FAM124B: variants seen among roughly 807,000 people sequenced by gnomAD.
FAM124B encodes the protein protein FAM124B.
Under a neutral mutation model 19.7 loss-of-function variants are expected in FAM124B, and 18 were observed. The observed-to-expected ratio is 0.92, with a 90% CI of 0.63 to 1.36. The LOEUF (loss-of-function observed/expected upper bound fraction) is 1.36. Ranked by LOEUF, FAM124B falls within the 40% of genes most tolerant of loss-of-function variation. The pLI, the probability that FAM124B is intolerant of heterozygous loss-of-function variation, is 0.00. For synonymous variants in FAM124B, 223 were observed against 225.2 expected (o/e 0.99, Z 0.09); for missense variants, 540 against 553.3 (o/e 0.98, Z 0.24).
Position 224,379,981 on chromosome 2 carries a change from T to A in FAM124B, c.960A>T (p.Ser320=), listed in dbSNP as rs748354682. The A allele has an allele frequency of 2.8e-5, 43 of 1,551,632 alleles. No homozygotes were observed. In the African/African-American group the frequency reaches 4.7e-4, roughly 17 times the overall value. ...CCATAGCTGGGCTGCTGACCTGGAA[T>A]GACCGGCCAGGGCTTTTCCACGAAG... ...AGTSWKSPGR[S]FQVSSPAMGA... Residue 320 remains serine (S), a synonymous_variant, in exon 2 of 2, where the codon TCA becomes TCT. Transcript: ENST00000409685.
At chr2:224,392,343 C>T (rs10210782) in intron 1 of FAM124B, among the ~76,000 whole-genome samples, 213 of 152,152 alleles carry the variant, frequency 1.4e-3, no homozygotes, top group African/African-American at 4.9e-3. Flanking sequence ...ACTCAGGAGG[C>T]TGAAATGAGA....
chr2:224,395,604 C>T (rs1171795730), intron 1 of FAM124B, among the ~76,000 whole-genome samples: 1 of 152,152 alleles, frequency 6.6e-6, no homozygotes, highest in Admixed American at 6.5e-5. Flanking sequence ...ATTAAAACTG[C>T]CAAAGGAAAA....
At chr2:224,399,749 T>C (rs1201969037) in intron 1 of FAM124B, 2 of 152,234 alleles carry the variant, frequency 1.3e-5, no homozygotes, top group Non-Finnish European at 2.9e-5. Context: ...TAGGTTGTTA[T>C]AAGTATTAAA....
chr2:224,383,749 C>A (rs1011617621), intron 1 of FAM124B, among the ~76,000 whole-genome samples: 3 of 152,156 alleles, frequency 2.0e-5, no homozygotes, highest in Admixed American at 2.0e-4. Flanking sequence ...AGAACAAACT[C>A]CCTTAGTCCT....
Position 224,379,814 on chromosome 2 carries a change from T to G in FAM124B, c.1127A>C (p.Gln376Pro). 1 of 1,551,918 alleles carries G rather than the reference T, an allele frequency of 6.4e-7. No individual in the cohort carries two copies. The highest frequency in any genetic ancestry group is 1.4e-5 in the African/African-American group (1 of 73,176). ...GLTIINSEPRQTYFGGFPRDL... is the reference protein window; with the variant it reads ...GLTIINSEPRPTYFGGFPRDL... ...CCTTGGAAATCCGCCAAAATAAGTC[T>G]GCCTGGGTTCAGAATTTATGATGGT... The change falls in exon 2 of 2, where the codon CAG becomes CCG. Residue 376 changes from glutamine to proline, a missense_variant. Physicochemically the swap from Gln to Pro is moderately conservative, Grantham distance 76. Transcript: ENST00000409685.
chr2:224,395,321 G>C (rs1476291541), intron 1 of FAM124B, among the ~76,000 whole-genome samples: 9 of 152,202 alleles, frequency 5.9e-5, no homozygotes, highest in Admixed American at 4.6e-4. Flanking sequence ...GCTGTGGAAA[G>C]CTGAAAGCCA....
intron 1 of FAM124B, chr2:224,400,372 G>A (rs942118063): frequency 3.7e-5 from 24 of 649,700 alleles, no homozygotes; most frequent in East Asian, 1.9e-4. Context: ...CAGACATGGC[G>A]GCACGTGCCT....
intron 1 of FAM124B, among the ~76,000 whole-genome samples, chr2:224,399,256 T>C (rs1690024211): frequency 6.6e-6 from 1 of 152,156 alleles, no homozygotes; most frequent in Admixed American, 6.5e-5. Context: ...TGTTTGACCA[T>C]GAGGTTGATT....
Position 224,401,104 on chromosome 2 carries a change from G to A in FAM124B, c.665C>T (p.Pro222Leu). Reference sequence around the variant, plus strand: ...CCTGGTGCTGCTGATAGGCATGCATGGATTGGGTAGCAGAGGCACTAACTG... The same window carrying A: ...CCTGGTGCTGCTGATAGGCATGCATAGATTGGGTAGCAGAGGCACTAACTG... The part of the protein sequence containing the change: ...IGQLVPLLPN[P>L]CMPISSTRWQ... The change falls in exon 1 of 2, where the codon CCA becomes CTA. Residue 222 changes from proline to leucine, a missense_variant. Coordinates refer to ENST00000409685, the MANE Select transcript of FAM124B (RefSeq NM_001122779.2). The A allele has an allele frequency of 6.2e-7, 1 of 1,614,126 alleles. No individual in the cohort carries two copies.
intron 1 of FAM124B, among the ~76,000 whole-genome samples, chr2:224,389,857 G>A (rs1303424603): frequency 6.6e-6 from 1 of 152,056 alleles, no homozygotes; most frequent in Non-Finnish European, 1.5e-5. Flanking sequence ...CAGGGCAGTG[G>A]TCCTCATTTG....
In FAM124B at chr2:224,402,069, T is replaced by TC. The variant is rs1190047954; in HGVS notation, c.-302dup. ...GCTTGTGTTTAGCCTTTTCAGGCGT[T>TC]CCCCAGGGTTTCTGCGTGACCTAAA... On this transcript the variant is annotated 5_prime_UTR_variant, in exon 1 of 2. Coordinates refer to ENST00000409685, the MANE Select transcript of FAM124B (RefSeq NM_001122779.2). 1.8e-5 allele frequency: 6 copies of TC among 329,242 alleles called. No individual in the cohort carries two copies. The highest frequency in any genetic ancestry group is 1.0e-4 in the African/African-American group (5 of 48,812). 20.4% of individuals were successfully genotyped at this position (329,242 alleles called of 1,614,324 possible).
chr2:224,382,269 T>C (rs891582903), intron 1 of FAM124B, among the ~76,000 whole-genome samples: 2 of 152,228 alleles, frequency 1.3e-5, no homozygotes, highest in Non-Finnish European at 2.9e-5. Context: ...TAAAACTCTA[T>C]GTATGAACAC....
chr2:224,401,408 T>C lies in FAM124B; in HGVS notation c.361A>G (p.Ser121Gly). ...FANQEFYSLD[S>G]QLPIWGVRQV... is the part of the protein sequence containing the mutation. ...CTCACCCCCCAGATGGGCAGCTGAC[T>C]GTCCAGGCTGTAGAACTCCTGATTG... The change falls in exon 1 of 2, where the codon AGT becomes GGT. Residue 121 changes from serine to glycine, a missense_variant. Ser to Gly is a moderately conservative substitution (Grantham distance 56). Transcript: ENST00000409685. 1 of 1,614,088 alleles carries C rather than the reference T, an allele frequency of 6.2e-7. No individual in the cohort carries two copies. The highest frequency in any genetic ancestry group is 8.5e-7 in the Non-Finnish European group (1 of 1,180,008).
At chr2:224,387,922 CAT>C (rs1309910873) in intron 1 of FAM124B, among the ~76,000 whole-genome samples, 1 of 152,200 alleles carries the variant, frequency 6.6e-6, no homozygotes, top group African/African-American at 2.4e-5. Context: ...AAGAAACAAA[CAT>C]AGCTAAATAT....
intron 1 of FAM124B, among the ~76,000 whole-genome samples, chr2:224,391,794 C>T (rs535296819): frequency 1.3e-5 from 2 of 152,180 alleles, no homozygotes. Flanking sequence ...CCTCAATTTC[C>T]TATCTTTAAA....
chr2:224,397,136 C>A (rs1010438648), intron 1 of FAM124B, among the ~76,000 whole-genome samples: 4 of 152,130 alleles, frequency 2.6e-5, no homozygotes, highest in African/African-American at 9.7e-5. Flanking sequence ...TGCCACAATT[C>A]CCATGTGTCG....
chr2:224,401,987 T>A lies in FAM124B; in HGVS notation c.-219A>T. The A allele has an allele frequency of 1.8e-6, 1 of 547,238 alleles. No homozygotes were observed. Among genetic ancestry groups the A allele is most frequent in the Admixed American group, 3.1e-5 (1 of 32,488 alleles). The allele number at this position is 547,238 out of a possible 1,614,324, so 33.9% of individuals were successfully genotyped here. A position where few individuals can be genotyped will look rare whatever the true frequency, so the allele number is the denominator to read the frequency against. On this transcript the variant is annotated 5_prime_UTR_variant, in exon 1 of 2. Coordinates refer to ENST00000409685, the MANE Select transcript of FAM124B (RefSeq NM_001122779.2). ...TCACACCAGCTCGGGTTCAGCAGCC[T>A]CCCTCTCCACACAGCAGCAGCGGGG...
chr2:224,392,580 C>A (rs1401424386), intron 1 of FAM124B, among the ~76,000 whole-genome samples: 1 of 152,042 alleles, frequency 6.6e-6, no homozygotes, highest in South Asian at 2.1e-4. Context: ...CATGGCAAAA[C>A]CCGGTCTCTA....
rs1462765151 is a variant in FAM124B at position 224,400,518 on chromosome 2, A to C, written c.732+519T>G. ...AAGACTCCCATCTCTAAAAAATAAA[A>C]AAATTAAAAATTAAAAAAACCATAT... On this transcript the variant is annotated intron_variant, in intron 1 of 1. Coordinates refer to ENST00000409685, the MANE Select transcript of FAM124B (RefSeq NM_001122779.2). The C allele has an allele frequency of 4.4e-6, 3 of 688,346 alleles. No individual in the cohort carries two copies. The South Asian group carries it at 4.7e-5, about 11-fold the overall frequency. 42.6% of individuals were successfully genotyped at this position (688,346 alleles called of 1,614,324 possible).
Sources: allele counts gnomAD v4.1 joint callset (sites outside exome capture counted in the v4.1 genomes callset), GRCh38; gene constraint gnomAD v4.1.1; transcripts MANE v1.5; gene names NCBI Gene and HGNC (gene_info 2026-07-23, HGNC 2026-07-21).